Variants in IPCEF1 observed in about 807,000 individuals in gnomAD.
IPCEF1 encodes interaction protein for cytohesin exchange factors 1.
In IPCEF1, 31 loss-of-function variants were observed where a neutral mutation model predicts 50.9. The observed-to-expected ratio is 0.61, with a 90% CI of 0.46 to 0.82. The LOEUF is 0.82. Among genes scored for constraint, IPCEF1 ranks in the 40% least tolerant of loss-of-function variants. The pLI, the probability that IPCEF1 is intolerant of heterozygous loss-of-function variation, is 0.00. For synonymous variants in IPCEF1, 181 were observed against 192.0 expected (o/e 0.94, Z 0.47); for missense variants, 458 against 514.0 (o/e 0.89, Z 1.05).
chr6:154,293,503 G>A (rs1023634803), intron 1 of IPCEF1, among the ~76,000 whole-genome samples: 4 of 152,166 alleles, frequency 2.6e-5, no homozygotes, highest in Non-Finnish European at 5.9e-5. Context: ...CTAACATTCA[G>A]TGATCTGAAT....
intron 10 of IPCEF1, among the ~76,000 whole-genome samples, chr6:154,192,210 C>A (rs974397210): frequency 1.3e-5 from 2 of 152,040 alleles, no homozygotes; most frequent in African/African-American, 2.4e-5. Flanking sequence ...TTGGTTCCAC[C>A]AAAATATATC....
At chr6:154,216,062 T>A (rs1160198202) in intron 7 of IPCEF1, among the ~76,000 whole-genome samples, 1 of 152,192 alleles carries the variant, frequency 6.6e-6, no homozygotes, top group East Asian at 1.9e-4. Flanking sequence ...GAGCAGGCAA[T>A]TTGATGATAA....
At chr6:154,208,159 A>C (rs61307239) in intron 9 of IPCEF1, among the ~76,000 whole-genome samples, 8,312 of 152,176 alleles carry the variant, frequency 0.055, 315 homozygotes, top group East Asian at 0.2. Flanking sequence ...AAAGTCCTTA[A>C]CTGGCCCATA....
intron 1 of IPCEF1, among the ~76,000 whole-genome samples, chr6:154,290,749 G>C (rs1782492153): frequency 6.6e-6 from 1 of 152,118 alleles, no homozygotes; most frequent in Non-Finnish European, 1.5e-5. Context: ...TTTTTCTAAA[G>C]AGGACAGTAA....
chr6:154,310,606 A>G (rs1339901197), intron 1 of IPCEF1, among the ~76,000 whole-genome samples: 1 of 152,242 alleles, frequency 6.6e-6, no homozygotes, highest in Non-Finnish European at 1.5e-5. Context: ...TTTCAGCATT[A>G]TTCACAATAG....
chr6:154,291,819 G>A (rs2128669536), intron 1 of IPCEF1, among the ~76,000 whole-genome samples: 1 of 151,728 alleles, frequency 6.6e-6, no homozygotes, highest in East Asian at 1.9e-4. Flanking sequence ...CAAGTAGCTG[G>A]GACTACAGGT....
intron 1 of IPCEF1, among the ~76,000 whole-genome samples, chr6:154,331,370 GGAAA>G (rs1554225596): frequency 0.067 from 7,543 of 111,910 alleles, 332 homozygotes; most frequent in Non-Finnish European, 0.088. Context: ...AAGAAAGAAA[GGAAA>G]GAAAGAAAGA....
chr6:154,256,810 A>T (rs530303072), intron 3 of IPCEF1, among the ~76,000 whole-genome samples: 13 of 152,338 alleles, frequency 8.5e-5, no homozygotes, highest in African/African-American at 2.9e-4. Flanking sequence ...AGCAGTATGC[A>T]TTCAGTAGAA....
rs1227102051 is a variant in IPCEF1, at chr6:154,247,463, C to T, written c.62G>A (p.Arg21Lys). Residue 21 changes from arginine to lysine, a missense_variant, in exon 4 of 12, where the codon AGG becomes AAG. Physicochemically the swap from Arg to Lys is conservative, Grantham distance 26 (BLOSUM62 2). Transcript: ENST00000367220. ...ALQVPLRQKP[R>K]RKTQGFLTMS... ...GATCTAATTACCTTGAGTTTTCCTC[C>T]TGGGCTTCTGACGCAAGGGAACCTG... 2.5e-6 allele frequency: 4 copies of T among 1,612,420 alleles called. No individual in the cohort carries two copies. The highest frequency in any genetic ancestry group is 3.4e-6 in the Non-Finnish European group (4 of 1,178,730).
chr6:154,198,980 T>C lies in IPCEF1; in HGVS notation c.910+688A>G, dbSNP rs113191641. 5.6e-3 allele frequency among the ~76,000 whole-genome samples: 860 copies of C among 152,294 alleles called. 5 individuals are homozygous for C. The highest frequency in any genetic ancestry group is 0.02 in the African/African-American group (817 of 41,560). ...ACAATCAGAAAAGATACGTCACGAT[T>C]GAACAGTAATAAAAATAAGTTAGTC... On this transcript the variant is annotated intron_variant, in intron 10 of 11. Coordinates refer to ENST00000367220, the MANE Select transcript of IPCEF1 (RefSeq NM_001130700.2).
At chr6:154,313,380 A>G (rs549350293) in intron 1 of IPCEF1, among the ~76,000 whole-genome samples, 10 of 152,172 alleles carry the variant, frequency 6.6e-5, no homozygotes, top group African/African-American at 1.7e-4. Flanking sequence ...GTCTCAAAAA[A>G]AAAAAGAAAA....
intron 3 of IPCEF1, among the ~76,000 whole-genome samples, chr6:154,248,726 C>A (rs1781258479): frequency 6.6e-6 from 1 of 152,098 alleles, no homozygotes; most frequent in African/African-American, 2.4e-5. Flanking sequence ...ATAGCACTCT[C>A]TGAATCTGCT....
chr6:154,273,720 CTTTCTTTTTTTTTTT>C (rs1781961220), intron 2 of IPCEF1, among the ~76,000 whole-genome samples: 1 of 25,458 alleles, frequency 3.9e-5, no homozygotes, highest in Non-Finnish European at 8.6e-5. Context: ...TTCTTTCTTT[CTTTCTTTTTTTTTTT>C]TTTTTTTTTT....
chr6:154,201,134 T>C (rs561247697), intron 9 of IPCEF1, among the ~76,000 whole-genome samples: 2 of 152,344 alleles, frequency 1.3e-5, no homozygotes, highest in Admixed American at 6.5e-5. Flanking sequence ...TAAAGTTTCC[T>C]GAGGCCTCCC....
chr6:154,178,596 T>A (rs1421673472), intron 10 of IPCEF1, among the ~76,000 whole-genome samples: 1 of 152,032 alleles, frequency 6.6e-6, no homozygotes, highest in Non-Finnish European at 1.5e-5. Context: ...TAACTAAACT[T>A]TAAAATTAAC....
chr6:154,218,281 T>C lies in IPCEF1; in HGVS notation c.392+2976A>G, dbSNP rs1192779471. On this transcript the variant is annotated intron_variant, in intron 7 of 11. Coordinates refer to ENST00000367220, the MANE Select transcript of IPCEF1 (RefSeq NM_001130700.2). ...TTGATGTACAAAACAAGAGCATTCT[T>C]CCCACAGTGTCTGAGAAAGGCAGCT... Among the ~76,000 whole-genome samples the C allele has an allele frequency of 5.3e-5, 8 of 152,212 alleles. 1 individual carries two copies. In the East Asian group the frequency reaches 1.5e-3, roughly 29 times the overall value.
At chr6:154,343,448 G>T (rs1378470861) in intron 1 of IPCEF1, among the ~76,000 whole-genome samples, 1 of 152,146 alleles carries the variant, frequency 6.6e-6, no homozygotes, top group African/African-American at 2.4e-5. Flanking sequence ...TTTATTAGGT[G>T]CAATACAAGT....
intron 2 of IPCEF1, among the ~76,000 whole-genome samples, chr6:154,273,241 A>G (rs1461235391): frequency 6.6e-6 from 1 of 152,200 alleles, no homozygotes; most frequent in East Asian, 1.9e-4. Context: ...GTCCACAAAC[A>G]CAGGCAAACA....
intron 10 of IPCEF1, among the ~76,000 whole-genome samples, chr6:154,186,549 T>G (rs1801367257): frequency 6.6e-6 from 1 of 151,220 alleles, no homozygotes; most frequent in African/African-American, 2.4e-5. Flanking sequence ...GCAGCTCCTT[T>G]CTTTCTTTTT....
Sources: gnomAD v4.1 joint callset for allele counts (sites outside exome capture counted in the v4.1 genomes callset) on GRCh38, gnomAD v4.1.1 for gene constraint, MANE v1.5 for transcripts, NCBI Gene and HGNC (gene_info 2026-07-23, HGNC 2026-07-21) for gene names.